The following EXPH5 variants were observed in gnomAD, a reference collection of about 807,000 sequenced individuals.
The protein encoded by EXPH5 is exophilin-5.
A neutral mutation model predicts 41.1 loss-of-function variants in EXPH5; 42 were observed. That is an observed-to-expected ratio of 1.02 (90% CI 0.80 to 1.32). EXPH5 has a LOEUF of 1.32. EXPH5 is among the 40% of genes most tolerant of loss of function. EXPH5 has a pLI of 0.00. For synonymous variants in EXPH5, 798 were observed against 833.5 expected (o/e 0.96, Z 0.73); for missense variants, 2,298 against 2,314.5 (o/e 0.99, Z 0.15).
At position 108,512,328 on chromosome 11, in the gene EXPH5, T is replaced by C. The variant is rs201394489; in HGVS notation, c.3179A>G (p.Asp1060Gly). 61 of 1,613,016 alleles carry C rather than the reference T, an allele frequency of 3.8e-5. No individual in the cohort carries two copies. The highest frequency in any genetic ancestry group is 3.6e-5 in the Non-Finnish European group (43 of 1,179,738). ...PPFQIKNNVE[D>G]AMGNYMLNKF... ...GTTTAACATATAGTTCCCCATTGCA[T>C]CTTCCACATTATTTTTGATTTGGAA... Residue 1060 changes from aspartate (D) to glycine (G), a missense_variant, in exon 6 of 6, where the codon GAT becomes GGT. Asp to Gly is a moderately conservative substitution (Grantham distance 94). Transcript: ENST00000265843.
chr11:108,580,958 G>A (rs2094096102), intron 1 of EXPH5, among the ~76,000 whole-genome samples: 2 of 152,164 alleles, frequency 1.3e-5, no homozygotes, highest in South Asian at 4.1e-4. Flanking sequence ...TCCAGCTAGA[G>A]AGGAGGAATA....
chr11:108,509,538 C>T lies in EXPH5; in HGVS notation c.5969G>A (p.Ter1990=), dbSNP rs1376826761. ...LDENDKESEL[*] is the part of the protein sequence containing the mutation. ...GTAAAGCATTTTATTGAAAAAGCCT[C>T]ACAGTTCTGACTCTTTGTCATTTTC... The change falls in exon 6 of 6, where the codon TGA becomes TAA. Residue 1990 remains the stop codon, a stop_retained_variant. Transcript: ENST00000265843. The T allele has an allele frequency of 2.1e-5, 32 of 1,539,248 alleles. No homozygotes were observed. The highest frequency in any genetic ancestry group is 2.3e-5 in the Non-Finnish European group (27 of 1,149,386).
intron 1 of EXPH5, among the ~76,000 whole-genome samples, chr11:108,578,773 T>C (rs576148629): frequency 6.6e-6 from 1 of 152,322 alleles, no homozygotes; most frequent in African/African-American, 2.4e-5. Context: ...TATTCCTTTA[T>C]TTGTAGTTAT....
At chr11:108,576,578 T>C (rs1463625707) in intron 1 of EXPH5, among the ~76,000 whole-genome samples, 1 of 152,228 alleles carries the variant, frequency 6.6e-6, no homozygotes, top group Non-Finnish European at 1.5e-5. Context: ...TATTTTTCAT[T>C]CTTTTTTGAA....
At position 108,512,694 on chromosome 11, in the gene EXPH5, C is replaced by T. The variant is rs200161589; in HGVS notation, c.2813G>A (p.Ser938Asn). The T allele has an allele frequency of 6.2e-7, 1 of 1,614,094 alleles. No individual in the cohort carries two copies. The highest frequency in any genetic ancestry group is 1.3e-5 in the African/African-American group (1 of 75,056). Residue 938 changes from serine to asparagine, a missense_variant, in exon 6 of 6, where the codon AGC becomes AAC. Coordinates refer to ENST00000265843, the MANE Select transcript of EXPH5 (RefSeq NM_015065.3). ...GKNQKNQFIV[S>N]HSENQERNDS... ...ATTTCTCTCTTGGTTTTCTGAGTGG[C>T]TTACAATAAACTGATTCTTTTGGTT...
chr11:108,546,792 CTGT>C (rs1217020977), intron 1 of EXPH5, among the ~76,000 whole-genome samples: 1 of 150,808 alleles, frequency 6.6e-6, no homozygotes, highest in Non-Finnish European at 1.5e-5. Context: ...ATAAATACTG[CTGT>C]AATAAATATC....
intron 1 of EXPH5, among the ~76,000 whole-genome samples, chr11:108,587,238 G>T (rs965155233): frequency 3.9e-5 from 6 of 152,146 alleles, no homozygotes; most frequent in Non-Finnish European, 8.8e-5. Flanking sequence ...TCGTCATTTA[G>T]CATTAGGTAT....
chr11:108,545,594 G>C (rs183770022), intron 1 of EXPH5, among the ~76,000 whole-genome samples: 27 of 152,038 alleles, frequency 1.8e-4, no homozygotes, highest in African/African-American at 6.3e-4. Context: ...GAGTGTGTGT[G>C]GGGGGGAAAC....
At chr11:108,591,488 T>C (rs2094127495) in intron 1 of EXPH5, among the ~76,000 whole-genome samples, 1 of 152,234 alleles carries the variant, frequency 6.6e-6, no homozygotes, top group South Asian at 2.1e-4. Context: ...TTGCCTTGGG[T>C]ATTTGGTCCA....
intron 3 of EXPH5, among the ~76,000 whole-genome samples, chr11:108,532,339 G>GAGATATATATATATAT (rs1471861001): frequency 8.5e-5 from 2 of 23,426 alleles, no homozygotes; most frequent in East Asian, 7.9e-4. Flanking sequence ...CACCACACTG[G>GAGATATATATATATAT]ATATATATAT....
At chr11:108,601,447 A>T in the EXPH5 span, among the ~76,000 whole-genome samples, 2 of 152,330 alleles carry the variant, frequency 1.3e-5, no homozygotes, top group Admixed American at 6.5e-5. Flanking sequence ...ATAAATTTAC[A>T]ACCATACTAG....
chr11:108,512,112 G>A lies in EXPH5; in HGVS notation c.3395C>T (p.Ala1132Val), dbSNP rs2093686781. The A allele has an allele frequency of 6.2e-7, 1 of 1,613,662 alleles. No homozygotes were observed. The highest frequency in any genetic ancestry group is 1.3e-5 in the African/African-American group (1 of 74,896). ...AMSCPSGEPH[A>V]STGREGRKKP... ...TTTTCTTCCTTCTCTTCCAGTTGAG[G>A]CATGTGGCTCCCCTGAGGGACATGA... The change falls in exon 6 of 6, where the codon GCC (alanine) becomes GTC (valine). Residue 1132 changes from alanine to valine, a missense_variant. Coordinates refer to ENST00000265843, the MANE Select transcript of EXPH5 (RefSeq NM_015065.3).
At position 108,541,690 on chromosome 11, in the gene EXPH5, G is replaced by A. The variant is rs751608684; in HGVS notation, c.242C>T (p.Pro81Leu). ...CTCCTTACTTAGCCTGTATGTAAGT[G>A]GTTGTTTTAACATTTGGCTAACATC... ...ETDVSQMLKQ[P>L]LTYRLSKEMA... Residue 81 changes from proline to leucine, a missense_variant, in exon 2 of 6, where the codon CCA becomes CTA. Pro to Leu is a moderately conservative substitution (Grantham distance 98). Transcript: ENST00000265843. The A allele has an allele frequency of 3.7e-6, 6 of 1,610,436 alleles. No homozygotes were observed. Among genetic ancestry groups the A allele is most frequent in the Non-Finnish European group, 5.1e-6 (6 of 1,178,558 alleles).
At chr11:108,526,649 G>A (rs2093801230) in intron 4 of EXPH5, among the ~76,000 whole-genome samples, 1 of 152,202 alleles carries the variant, frequency 6.6e-6, no homozygotes, top group African/African-American at 2.4e-5. Flanking sequence ...CTCCGCAGGT[G>A]GCGAGCAACT....
intron 1 of EXPH5, among the ~76,000 whole-genome samples, chr11:108,553,283 G>T (rs564945321): frequency 6.6e-6 from 1 of 152,158 alleles, no homozygotes; most frequent in Admixed American, 6.5e-5. Flanking sequence ...AGAAGGAAAA[G>T]GTAAGTTATC....
At chr11:108,580,636 C>G (rs1243088224) in intron 1 of EXPH5, among the ~76,000 whole-genome samples, 6 of 152,048 alleles carry the variant, frequency 3.9e-5, no homozygotes, top group African/African-American at 1.5e-4. Context: ...TTCACAATAG[C>G]CTAGATATAG....
intron 4 of EXPH5, among the ~76,000 whole-genome samples, chr11:108,522,614 G>A (rs921688530): frequency 6.6e-6 from 1 of 152,196 alleles, no homozygotes; most frequent in Non-Finnish European, 1.5e-5. Flanking sequence ...CTTGTAGCAG[G>A]CATTCTCTGA....
rs181424015 is a variant in EXPH5 at position 108,578,440 on chromosome 11, G to A, written c.119+14978C>T. Among the ~76,000 whole-genome samples, 113 of 152,272 alleles carry A rather than the reference G, an allele frequency of 7.4e-4. 1 individual carries two copies. The highest frequency in any genetic ancestry group is 2.6e-3 in the African/African-American group (110 of 41,562). ...ATGTTATTTTAGTTACTGCTGCTTT[G>A]TAGTATATTTTGAAGTCAGGTGATG... On this transcript the variant is annotated intron_variant, in intron 1 of 5. Transcript: ENST00000265843.
Position 108,511,590 on chromosome 11 carries a change from G to C in EXPH5, c.3917C>G (p.Ser1306Ter), listed in dbSNP as rs1228319313. ...DKQNYSTREQSGTPSCENLKM... is the reference protein window; with the variant it reads ...DKQNYSTREQ ...TAGATTTTCACATGAAGGTGTTCCT[G>C]ACTGCTCTCGTGTAGAATAATTCTG... Residue 1306 changes from serine (S) to a stop codon, truncating the protein, a stop_gained, in exon 6 of 6, where the codon TCA becomes TGA. Coordinates refer to ENST00000265843, the MANE Select transcript of EXPH5 (RefSeq NM_015065.3). LOFTEE classifies it low-confidence loss of function (END_TRUNC). 1 of 1,613,718 alleles carries C rather than the reference G, an allele frequency of 6.2e-7. No homozygotes were observed. Among genetic ancestry groups the C allele is most frequent in the Non-Finnish European group, 8.5e-7 (1 of 1,179,904 alleles).
Sources: gnomAD v4.1 joint callset for allele counts (sites outside exome capture counted in the v4.1 genomes callset) on GRCh38, gnomAD v4.1.1 for gene constraint, MANE v1.5 for transcripts, NCBI Gene and HGNC (gene_info 2026-07-23, HGNC 2026-07-21) for gene names.